REM2: variants seen among roughly 807,000 people sequenced by gnomAD.
REM2 encodes the protein RRAD and GEM like GTPase 2, also known as GTP-binding protein REM 2.
REM2 carries 24 observed loss-of-function variants against 24.4 expected under a neutral mutation model. The ratio of observed to expected loss-of-function variants is 0.98; its 90% CI spans 0.71 to 1.38. REM2 has a LOEUF of 1.38. Among genes scored for constraint, REM2 ranks in the 40% most tolerant of loss-of-function variants. The pLI, the probability that REM2 is intolerant of heterozygous loss-of-function variation, is 0.00. For missense variants in REM2, 429 were observed against 467.8 expected, an observed-to-expected ratio of 0.92 and a Z score of 0.77; for synonymous variants, 187 against 198.0, an observed-to-expected ratio of 0.94 and a Z score of 0.47.
rs1053963752 is a variant in REM2 at position 22,883,396 on chromosome 14, G to A, written c.103+6G>A. 2 of 1,551,826 alleles carry A rather than the reference G, an allele frequency of 1.3e-6. No individual in the cohort carries two copies. Among genetic ancestry groups the A allele is most frequent in the African/African-American group, 1.4e-5 (1 of 73,048 alleles). On this transcript the variant is annotated splice_donor_region_variant and intron_variant, in intron 1 of 4. Transcript: ENST00000267396. ...TCCAGGGACGCCCACACCAGGTGAG[G>A]GCTAACCTGGGCAGGTTCCGGCTGA...
intron 1 of REM2, among the ~76,000 whole-genome samples, chr14:22,883,704 G>A (rs921418664): frequency 6.6e-6 from 1 of 152,126 alleles, no homozygotes; most frequent in Non-Finnish European, 1.5e-5. Context: ...GAAAGGGGCA[G>A]CCCACAAGCC....
At chr14:22,885,190 G>A in intron 2 of REM2, 76 bp from the exon 3 acceptor site, 1 of 1,426,046 alleles carries the variant, frequency 7.0e-7, no homozygotes, top group Non-Finnish European at 9.9e-7. Context: ...GATCTGAGGT[G>A]TCCCTGGTTA....
Position 22,886,702 on chromosome 14 carries a change from C to T in REM2, c.816C>T (p.Gly272=). The change falls in exon 5 of 5, where the codon GGC becomes GGT. Residue 272 remains glycine, a synonymous_variant. Transcript: ENST00000267396. The surrounding 1 kb of genome is among the most constrained non-coding windows in gnomAD (Gnocchi z 5.9). The part of the protein sequence containing the change: ...LHHNTRELFE[G]AVRQIRLRRG... ...ACAACACGAGGGAGCTCTTCGAGGG[C>T]GCGGTGCGCCAGATCCGGCTGCGGC... 2 of 1,504,902 alleles carry T rather than the reference C, an allele frequency of 1.3e-6. No homozygotes were observed. Among genetic ancestry groups the T allele is most frequent in the South Asian group, 2.5e-5 (2 of 78,502 alleles). The allele number at this position is 1,504,902 out of a possible 1,614,324, so 93.2% of individuals were successfully genotyped here. A position where few individuals can be genotyped will look rare whatever the true frequency, so the allele number is the denominator to read the frequency against.
In REM2 at chr14:22,886,850, C is replaced by G; in HGVS notation, c.964C>G (p.Arg322Gly). ...GAGGTTCCTCGCCAACCTGGTGCCG[C>G]GCAACGCCAAGTTCTTCAAGCAGCG... ...AKRFLANLVP[R>G]NAKFFKQRSR... The change falls in exon 5 of 5, where the codon CGC (arginine) becomes GGC (glycine). Residue 322 changes from arginine (R) to glycine (G), a missense_variant. Arg to Gly is a moderately radical substitution (Grantham distance 125). Transcript: ENST00000267396. This position sits in a 1 kb window ranked among gnomAD's most constrained non-coding sequence, Gnocchi z 5.9. The G allele has an allele frequency of 6.5e-7, 1 of 1,546,542 alleles. No homozygotes were observed. Among genetic ancestry groups the G allele is most frequent in the South Asian group, 1.2e-5 (1 of 83,576 alleles).
At position 22,886,916 on chromosome 14, in the gene REM2, G is replaced by A; in HGVS notation, c.*7G>A. ...CGACCTCTCGGTGCTCTGAGCCGCG[G>A]TCGCCATGGCCACTGCGGTCGCCAT... On this transcript the variant is annotated 3_prime_UTR_variant, in exon 5 of 5. Transcript: ENST00000267396. This position sits in a 1 kb window ranked among gnomAD's most constrained non-coding sequence, Gnocchi z 5.9. 2 of 1,445,258 alleles carry A rather than the reference G, an allele frequency of 1.4e-6. No individual in the cohort carries two copies. Among genetic ancestry groups the A allele is most frequent in the Non-Finnish European group, 1.8e-6 (2 of 1,094,520 alleles). The allele number at this position is 1,445,258 out of a possible 1,614,324, so 89.5% of individuals were successfully genotyped here.
At position 22,886,959 on chromosome 14, in the gene REM2, C is replaced by T; in HGVS notation, c.*50C>T. ...GTCGCCATGGTCACCGCGCCCTCCG[C>T]TCGCCCCCCCTCGCCCCGCCCCGCC... is the stretch of plus-strand genomic sequence containing the variant. On this transcript the variant is annotated 3_prime_UTR_variant, in exon 5 of 5. Coordinates refer to ENST00000267396, the MANE Select transcript of REM2 (RefSeq NM_173527.3). The surrounding 1 kb of genome is among the most constrained non-coding windows in gnomAD (Gnocchi z 5.9). The T allele has an allele frequency of 7.7e-7, 1 of 1,293,856 alleles. No homozygotes were observed. Among genetic ancestry groups the T allele is most frequent in the Non-Finnish European group, 1.0e-6 (1 of 987,992 alleles). 80.1% of individuals were successfully genotyped at this position (1,293,856 alleles called of 1,614,324 possible). A position where few individuals can be genotyped will look rare whatever the true frequency, so the allele number is the denominator to read the frequency against.
rs2040102758 is a variant in REM2 at position 22,884,561 on chromosome 14, A to G, written c.104-113A>G. 5 of 1,450,592 alleles carry G rather than the reference A, an allele frequency of 3.4e-6. No homozygotes were observed. The Admixed American group carries it at 1.4e-4, about 42-fold the overall frequency. The allele number at this position is 1,450,592 out of a possible 1,614,324, so 89.9% of individuals were successfully genotyped here. ...AGTTCCTTCTGGGTAATGGTCATCAAGTGGGTGTAGCTGGGCCTCTGATAC... is the reference window on the plus strand; with the variant it reads ...AGTTCCTTCTGGGTAATGGTCATCAGGTGGGTGTAGCTGGGCCTCTGATAC... On this transcript the variant is annotated intron_variant, in intron 1 of 4. Transcript: ENST00000267396.
chr14:22,883,365 C>T lies in REM2; in HGVS notation c.78C>T (p.Ala26=). The T allele has an allele frequency of 3.2e-6, 5 of 1,556,194 alleles. No homozygotes were observed. In the South Asian group the frequency reaches 5.9e-5, roughly 18 times the overall value. The change falls in exon 1 of 5, where the codon GCC becomes GCT. Residue 26 remains alanine (A), a synonymous_variant. Transcript: ENST00000267396. ...TALCPSGSRR[A]SPPGTPTPEA... is the part of the protein sequence containing the mutation. Reference sequence around the variant, plus strand: ...TCTGCCCCTCTGGCAGCCGCCGGGCCTCCCCTCCAGGGACGCCCACACCAG... The same window carrying T: ...TCTGCCCCTCTGGCAGCCGCCGGGCTTCCCCTCCAGGGACGCCCACACCAG...
rs567249320 is a variant in REM2 at position 22,886,641 on chromosome 14, G to C, written c.755G>C (p.Ser252Thr). The change falls in exon 5 of 5, where the codon AGC becomes ACC. Residue 252 changes from serine (S) to threonine (T), a missense_variant. By Grantham distance (58) the Ser-to-Thr change is moderately conservative (BLOSUM62 1). Transcript: ENST00000267396. The surrounding 1 kb of genome is among the most constrained non-coding windows in gnomAD (Gnocchi z 5.9). ...EEGRHLAGTLSCKHIETSAAL... is the reference protein window; with the variant it reads ...EEGRHLAGTLTCKHIETSAAL... ...GGCCGCCACCTGGCCGGGACGCTGA[G>C]CTGCAAGCACATCGAGACGTCGGCC... 2.5e-5 allele frequency: 36 copies of C among 1,458,930 alleles called. No homozygotes were observed. The African/African-American group carries it at 4.3e-4, about 17-fold the overall frequency. 90.4% of individuals were successfully genotyped at this position (1,458,930 alleles called of 1,614,324 possible).
rs376129701 is a variant in REM2 at position 22,884,733 on chromosome 14, G to A, written c.163G>A (p.Gly55Arg). The change falls in exon 2 of 5, where the codon GGG (glycine) becomes AGG (arginine). Residue 55 changes from glycine to arginine, a missense_variant. Coordinates refer to ENST00000267396, the MANE Select transcript of REM2 (RefSeq NM_173527.3). ...ACTGTTGGCAGAGTTGGACCGGAGC[G>A]GGTTACCCTCTGCCCCTGGGGCCCC... is the stretch of plus-strand genomic sequence containing the variant. ...EKLLAELDRS[G>R]LPSAPGAPRR... is the part of the protein sequence containing the mutation. 3.2e-5 allele frequency: 51 copies of A among 1,613,834 alleles called. No individual in the cohort carries two copies. Among genetic ancestry groups the A allele is most frequent in the African/African-American group, 9.3e-5 (7 of 74,924 alleles).
intron 1 of REM2, 125 bp downstream of exon 1, chr14:22,883,515 G>A: frequency 1.2e-6 from 1 of 814,626 alleles, no homozygotes; most frequent in South Asian, 1.6e-5. Context: ...AAGAGCAATT[G>A]AGAAAGTGGA....
rs779183692 is a variant in REM2 at position 22,884,939 on chromosome 14, C to T, written c.369C>T (p.Ser123=). 1.4e-5 allele frequency: 23 copies of T among 1,600,136 alleles called. No individual in the cohort carries two copies. Among genetic ancestry groups the T allele is most frequent in the South Asian group, 1.3e-4 (12 of 90,068 alleles). ...TCAAGGTCATGCTAGTGGGGGAGAG[C>T]GGCGTGGGCAAGAGCACCCTAGCAG... The part of the protein sequence containing the change: ...GIFKVMLVGE[S]GVGKSTLAGT... The change falls in exon 2 of 5, where the codon AGC becomes AGT. Residue 123 remains serine (S), a synonymous_variant. Transcript: ENST00000267396.
In REM2 at chr14:22,886,764, C is replaced by G. The variant is rs2040134283; in HGVS notation, c.878C>G (p.Pro293Arg). 6.5e-7 allele frequency: 1 copy of G among 1,545,568 alleles called. No homozygotes were observed. Among genetic ancestry groups the G allele is most frequent in the Non-Finnish European group, 8.7e-7 (1 of 1,145,426 alleles). ...CACGCCGGAGGCCAGAGGCCCGATC[C>G]GGGCAGCCCCGAGGGCCCTGCGCCA... ...RNHAGGQRPD[P>R]GSPEGPAPPA... The change falls in exon 5 of 5, where the codon CCG (proline) becomes CGG (arginine). Residue 293 changes from proline (P) to arginine (R), a missense_variant. Pro to Arg is a moderately radical substitution (Grantham distance 103, BLOSUM62 -2). Coordinates refer to ENST00000267396, the MANE Select transcript of REM2 (RefSeq NM_173527.3). This position sits in a 1 kb window ranked among gnomAD's most constrained non-coding sequence, Gnocchi z 5.9.
chr14:22,884,299 G>C lies in REM2; in HGVS notation c.104-375G>C, dbSNP rs1349346906. 5 of 985,448 alleles carry C rather than the reference G, an allele frequency of 5.1e-6. No individual in the cohort carries two copies. In the East Asian group the frequency reaches 5.7e-4, roughly 112 times the overall value. The allele number at this position is 985,448 out of a possible 1,614,324, so 61.0% of individuals were successfully genotyped here. On this transcript the variant is annotated intron_variant, in intron 1 of 4. Transcript: ENST00000267396. ...GAAGGGCCTCTTGATGGAAAAAGAG[G>C]CAGCTTCCCCAAACCTCCCCCAACT... is the stretch of plus-strand genomic sequence containing the variant.
rs1352594995 is a variant in REM2 at position 22,886,948 on chromosome 14, C to T, written c.*39C>T. On this transcript the variant is annotated 3_prime_UTR_variant, in exon 5 of 5. Coordinates refer to ENST00000267396, the MANE Select transcript of REM2 (RefSeq NM_173527.3). This position sits in a 1 kb window ranked among gnomAD's most constrained non-coding sequence, Gnocchi z 5.9. ...TGGCCACTGCGGTCGCCATGGTCAC[C>T]GCGCCCTCCGCTCGCCCCCCCTCGC... The T allele has an allele frequency of 1.8e-5, 24 of 1,354,642 alleles. No individual in the cohort carries two copies. The highest frequency in any genetic ancestry group is 2.0e-5 in the Non-Finnish European group (21 of 1,045,602). 83.9% of individuals were successfully genotyped at this position (1,354,642 alleles called of 1,614,324 possible).
rs778730079 is a variant in REM2, at chr14:22,886,003, C to A, written c.520-21C>A. The A allele has an allele frequency of 6.2e-7, 1 of 1,602,774 alleles. No homozygotes were observed. The highest frequency in any genetic ancestry group is 8.5e-7 in the Non-Finnish European group (1 of 1,169,786). ...GGATCTCCTATGCCTCCAGCCCTAA[C>A]GTTCCTCTGCCTGTCTGCAGGGGGA... On this transcript the variant is annotated intron_variant, in intron 3 of 4. Transcript: ENST00000267396. This position sits in a 1 kb window ranked among gnomAD's most constrained non-coding sequence, Gnocchi z 5.9.
intron 3 of REM2, 113 bp from the exon 4 acceptor site, chr14:22,885,911 C>A: frequency 1.3e-6 from 1 of 794,316 alleles, no homozygotes; most frequent in Non-Finnish European, 2.1e-6. Context: ...GCTCTGCTGT[C>A]CTAAGCAGGT....
Position 22,883,300 on chromosome 14 carries a change from C to CTGGACACAGACA in REM2, c.20_31dup (p.Thr7_Asp10dup). 1 of 1,548,670 alleles carries CTGGACACAGACA rather than the reference C, an allele frequency of 6.5e-7. No individual in the cohort carries two copies. Among genetic ancestry groups the CTGGACACAGACA allele is most frequent in the South Asian group, 1.2e-5 (1 of 84,266 alleles). On this transcript the variant is annotated inframe_insertion, in exon 1 of 5. Transcript: ENST00000267396. Reference sequence around the variant, plus strand: ...CACACGCACACTGATGCACACGGACCTGGACACAGACATGGACATGGACAC... The same window carrying CTGGACACAGACA: ...CACACGCACACTGATGCACACGGACCTGGACACAGACATGGACACAGACATGGACATGGACAC...
At chr14:22,883,897 GCT>G (rs2040093435) in intron 1 of REM2, among the ~76,000 whole-genome samples, 1 of 114,892 alleles carries the variant, frequency 8.7e-6, no homozygotes, top group South Asian at 3.4e-4. Context: ...TCTCCCTTTC[GCT>G]CACACACACA....
Sources: allele counts gnomAD v4.1 joint callset (sites outside exome capture counted in the v4.1 genomes callset), GRCh38; gene constraint gnomAD v4.1.1; non-coding constraint Gnocchi (gnomAD v3.1); transcripts MANE v1.5; gene names NCBI Gene and HGNC (gene_info 2026-07-23, HGNC 2026-07-21).